The following PAPPA2 variants were observed in gnomAD, a reference collection of about 807,000 sequenced individuals.
The protein encoded by PAPPA2 is pappalysin-2.
Under a neutral mutation model 176.4 loss-of-function variants are expected in PAPPA2, and 86 were observed. That is an observed-to-expected ratio of 0.49 (90% confidence interval 0.41 to 0.58). The LOEUF is 0.58. Among genes scored for constraint, PAPPA2 ranks in the 20% least tolerant of loss-of-function variants. The probability of loss-of-function intolerance (pLI) is 0.00; values close to 1 mark genes in which losing one functional copy is unlikely to be tolerated. For missense variants in PAPPA2, 2,073 were observed against 2,256.9 expected, an observed-to-expected ratio of 0.92 and a Z score of 1.65; for synonymous variants, 809 against 852.2, an observed-to-expected ratio of 0.95 and a Z score of 0.88.
rs567615408 is a variant in PAPPA2, at chr1:176,475,807, T to C, written c.-917+12389T>C. ...GGTTTAGGGAGGAGGGAAAGAGCCATGGCCATTGGTCCACTTAATTTAGAA... is the reference window on the plus strand; with the variant it reads ...GGTTTAGGGAGGAGGGAAAGAGCCACGGCCATTGGTCCACTTAATTTAGAA... On this transcript the variant is annotated intron_variant, in intron 1 of 22. Coordinates refer to ENST00000367662, the MANE Select transcript of PAPPA2 (RefSeq NM_020318.3). 4.6e-5 allele frequency among the ~76,000 whole-genome samples: 7 copies of C among 152,014 alleles called. No individual in the cohort carries two copies. The South Asian group carries it at 1.5e-3, about 32-fold the overall frequency.
At chr1:176,808,793 A>G (rs987789015) in intron 21 of PAPPA2, among the ~76,000 whole-genome samples, 3 of 152,202 alleles carry the variant, frequency 2.0e-5, no homozygotes, top group African/African-American at 7.2e-5. Flanking sequence ...ATATAAAAAG[A>G]TTAATAATAA....
intron 4 of PAPPA2, among the ~76,000 whole-genome samples, chr1:176,681,510 A>C (rs1260806131): frequency 6.6e-6 from 1 of 152,142 alleles, no homozygotes; most frequent in African/African-American, 2.4e-5. Flanking sequence ...CTTCACATGG[A>C]TAGGAACAAA....
At chr1:176,562,846 G>C (rs999915404) in intron 2 of PAPPA2, among the ~76,000 whole-genome samples, 1 of 152,210 alleles carries the variant, frequency 6.6e-6, no homozygotes, top group African/African-American at 2.4e-5. Context: ...TGGAGGGGCT[G>C]TATGATATCT....
intron 1 of PAPPA2, among the ~76,000 whole-genome samples, chr1:176,523,438 C>T (rs1649310971): frequency 6.6e-6 from 1 of 152,176 alleles, no homozygotes; most frequent in Non-Finnish European, 1.5e-5. Context: ...CAAGCTTGAG[C>T]CTCTCTTCAC....
intron 15 of PAPPA2, among the ~76,000 whole-genome samples, chr1:176,766,796 T>G (rs550211019): frequency 1.3e-5 from 2 of 152,058 alleles, no homozygotes; most frequent in Non-Finnish European, 2.9e-5. Flanking sequence ...AGAAAAAGGA[T>G]GCACCAGGGA....
intron 3 of PAPPA2, among the ~76,000 whole-genome samples, chr1:176,642,887 T>G (rs768909878): frequency 3.3e-5 from 5 of 151,958 alleles, no homozygotes; most frequent in African/African-American, 9.7e-5. Context: ...TATAGAACCG[T>G]ATAGCTATGA....
At chr1:176,672,456 A>C (rs1383727062) in intron 4 of PAPPA2, among the ~76,000 whole-genome samples, 1 of 152,204 alleles carries the variant, frequency 6.6e-6, no homozygotes. Flanking sequence ...GCACCTGGTC[A>C]TAGTGAAGTC....
In PAPPA2 at chr1:176,665,453, A is replaced by C. The variant is rs367921295; in HGVS notation, c.1992-5517A>C. On this transcript the variant is annotated intron_variant, in intron 3 of 22. Transcript: ENST00000367662. ...GCCTGATGCAATCCAAGGCTGTAAA[A>C]CTCTCAAGGGCCAGAATGGTGCTGA... Among the ~76,000 whole-genome samples the C allele has an allele frequency of 1.8e-4, 28 of 152,110 alleles. 1 individual carries two copies. The East Asian group carries it at 3.9e-3, about 21-fold the overall frequency.
At chr1:176,699,687 G>C (rs3766297) in intron 8 of PAPPA2, 98 bp downstream of exon 8, 4 of 1,479,934 alleles carry the variant, frequency 2.7e-6, no homozygotes, top group Admixed American at 2.3e-5. Flanking sequence ...GCCCTTAGTC[G>C]GAGGAATGTT....
At chr1:176,672,736 A>G (rs61822992) in intron 4 of PAPPA2, among the ~76,000 whole-genome samples, 19,081 of 152,168 alleles carry the variant, frequency 0.13, 1,463 homozygotes, top group South Asian at 0.23. Flanking sequence ...AACAAATTAA[A>G]CATGTAAGGA....
chr1:176,724,574 T>C (rs2102853993), intron 12 of PAPPA2, among the ~76,000 whole-genome samples: 1 of 152,302 alleles, frequency 6.6e-6, no homozygotes, highest in African/African-American at 2.4e-5. Context: ...CACCACATGC[T>C]CACAGTGTCT....
intron 10 of PAPPA2, among the ~76,000 whole-genome samples, chr1:176,708,286 CA>C (rs1660971338): frequency 6.6e-6 from 1 of 151,878 alleles, no homozygotes; most frequent in Non-Finnish European, 1.5e-5. Flanking sequence ...TGATATATTC[CA>C]ACAGTAGACA....
chr1:176,487,144 A>T (rs1313324534), intron 1 of PAPPA2, among the ~76,000 whole-genome samples: 1 of 152,150 alleles, frequency 6.6e-6, no homozygotes, highest in African/African-American at 2.4e-5. Flanking sequence ...TAAAATATGG[A>T]TAAATGTAAT....
intron 17 of PAPPA2, 53 bp downstream of exon 17, chr1:176,771,233 T>A: frequency 6.4e-7 from 1 of 1,563,782 alleles, no homozygotes; most frequent in Non-Finnish European, 8.8e-7. Flanking sequence ...CTGCTTGTTA[T>A]GTTTGTTTTT....
rs577243511 is a variant in PAPPA2 at position 176,498,727 on chromosome 1, G to A, written c.-917+35309G>A. Among the ~76,000 whole-genome samples, 666 of 145,468 alleles carry A rather than the reference G, an allele frequency of 4.6e-3. 4 individuals are homozygous for A. The highest frequency in any genetic ancestry group is 0.017 in the African/African-American group (645 of 38,554). On this transcript the variant is annotated intron_variant, in intron 1 of 22. Transcript: ENST00000367662. ...ATCGCACCATTGCACTCCAGCCTGGGCGACAGAGCGAGACTCTTACCTCCA... is the reference window on the plus strand; with the variant it reads ...ATCGCACCATTGCACTCCAGCCTGGACGACAGAGCGAGACTCTTACCTCCA...
chr1:176,480,040 G>A (rs1183470223), intron 1 of PAPPA2, among the ~76,000 whole-genome samples: 1 of 152,178 alleles, frequency 6.6e-6, no homozygotes, highest in Non-Finnish European at 1.5e-5. Context: ...ATTTCCAGCT[G>A]CCTGACAACC....
intron 22 of PAPPA2, 23 bp from the exon 23 acceptor site, chr1:176,842,357 C>T (rs778644743): frequency 1.9e-6 from 3 of 1,603,774 alleles, no homozygotes; most frequent in Non-Finnish European, 2.6e-6. Flanking sequence ...TGAGCTATTT[C>T]TACTTCCCTT....
intron 3 of PAPPA2, among the ~76,000 whole-genome samples, chr1:176,639,406 G>C (rs1157777430): frequency 6.6e-6 from 1 of 152,044 alleles, no homozygotes; most frequent in African/African-American, 2.4e-5. Flanking sequence ...CATCTAAAAA[G>C]ATTGCCTGGT....
intron 14 of PAPPA2, among the ~76,000 whole-genome samples, chr1:176,753,311 A>G (rs1430875368): frequency 1.3e-5 from 2 of 152,158 alleles, no homozygotes; most frequent in East Asian, 3.9e-4. Flanking sequence ...GTATTATTTC[A>G]TCTCTATTAT....
Sources: allele counts gnomAD v4.1 joint callset (sites outside exome capture counted in the v4.1 genomes callset), GRCh38; gene constraint gnomAD v4.1.1; transcripts MANE v1.5; gene names NCBI Gene and HGNC (gene_info 2026-07-23, HGNC 2026-07-21).